The following XKR9 variants were observed in gnomAD, a reference collection of about 807,000 sequenced individuals.
XKR9 encodes the protein XK-related protein 9.
In XKR9, 32 loss-of-function variants were observed where a neutral mutation model predicts 32.0. The ratio of observed to expected loss-of-function variants is 1.00; its 90% confidence interval spans 0.76 to 1.34. The LOEUF (loss-of-function observed/expected upper bound fraction) is 1.34, where lower values mean the gene tolerates loss of function less well. Ranked by LOEUF, XKR9 falls within the 40% of genes most tolerant of loss-of-function variation. The pLI, the probability that XKR9 is intolerant of heterozygous loss-of-function variation, is 0.00. For synonymous variants in XKR9, 168 were observed against 143.4 expected (o/e 1.17, Z -1.22); for missense variants, 546 against 429.7 (o/e 1.27, Z -2.39).
chr8:70,806,107 G>A, the XKR9 span, among the ~76,000 whole-genome samples: 7 of 152,156 alleles, frequency 4.6e-5, no homozygotes, highest in East Asian at 1.9e-4. Flanking sequence ...CTCCAGGTGC[G>A]GGAGTGAACC....
the XKR9 span, among the ~76,000 whole-genome samples, chr8:71,045,907 G>A: frequency 6.6e-6 from 1 of 152,182 alleles, no homozygotes; most frequent in Non-Finnish European, 1.5e-5. Context: ...CAGAAGGAAA[G>A]AGGAAGGCTG....
chr8:70,688,349 C>T (rs1057018128), intron 3 of XKR9, among the ~76,000 whole-genome samples: 2 of 152,148 alleles, frequency 1.3e-5, no homozygotes, highest in Non-Finnish European at 2.9e-5. Context: ...AAGAGTTCTC[C>T]CCGTCACCCA....
intron 2 of XKR9, among the ~76,000 whole-genome samples, chr8:70,776,923 T>TTCTTTCTCTCTCTCTCTCTCTCTCTCTC (rs1554556844): frequency 1.7e-5 from 1 of 59,620 alleles, no homozygotes; most frequent in African/African-American, 7.3e-5. Context: ...TTCTCTTTCT[T>TTCTTTCTCTCTCTCTCTCTCTCTCTCTC]TCTCTCTCTC....
the XKR9 span, among the ~76,000 whole-genome samples, chr8:70,880,309 A>G: frequency 1.3e-5 from 2 of 152,190 alleles, no homozygotes; most frequent in African/African-American, 4.8e-5. Context: ...AAGGGTATTC[A>G]ATTGGAAATG....
intron 2 of XKR9, among the ~76,000 whole-genome samples, chr8:70,779,604 G>A (rs1184110834): frequency 2.6e-5 from 4 of 152,022 alleles, no homozygotes; most frequent in Non-Finnish European, 5.9e-5. Context: ...TTGGTTGGTA[G>A]GCTATTAATT....
At chr8:70,908,500 C>T in the XKR9 span, among the ~76,000 whole-genome samples, 1 of 152,092 alleles carries the variant, frequency 6.6e-6, no homozygotes, top group Non-Finnish European at 1.5e-5. Context: ...GCAGTTGATT[C>T]CAATGTGTAG....
chr8:70,792,150 G>T (rs1162155661), downstream of XKR9, among the ~76,000 whole-genome samples: 2 of 152,086 alleles, frequency 1.3e-5, no homozygotes, highest in Non-Finnish European at 2.9e-5. Context: ...CACTAATCAT[G>T]CAGAGTACAA....
intron 2 of XKR9, among the ~76,000 whole-genome samples, chr8:70,768,634 G>A (rs934496157): frequency 1.3e-5 from 2 of 152,072 alleles, no homozygotes; most frequent in East Asian, 1.9e-4. Context: ...ATATAATTAG[G>A]ATGGTTAGCT....
At chr8:70,758,482 T>C (rs1461964723) in intron 2 of XKR9, among the ~76,000 whole-genome samples, 1 of 152,238 alleles carries the variant, frequency 6.6e-6, no homozygotes, top group Non-Finnish European at 1.5e-5. Context: ...TCCAGCTGTC[T>C]TATTCCCCAG....
chr8:71,053,277 G>A, the XKR9 span, among the ~76,000 whole-genome samples: 9 of 152,188 alleles, frequency 5.9e-5, no homozygotes, highest in Non-Finnish European at 2.9e-5. Flanking sequence ...TGAGTCATTG[G>A]ATCCGGAGTA....
chr8:70,739,474 G>A (rs1293193628), downstream of XKR9, among the ~76,000 whole-genome samples: 1 of 152,134 alleles, frequency 6.6e-6, no homozygotes, highest in East Asian at 1.9e-4. Context: ...TACATTTAAA[G>A]TTAATATTGT....
chr8:70,924,758 A>G, the XKR9 span, among the ~76,000 whole-genome samples: 1 of 152,268 alleles, frequency 6.6e-6, no homozygotes, highest in Non-Finnish European at 1.5e-5. Context: ...CCAGGACAAA[A>G]AGAGGGACAA....
At chr8:71,059,532 C>A in the XKR9 span, among the ~76,000 whole-genome samples, 1 of 152,204 alleles carries the variant, frequency 6.6e-6, no homozygotes, top group Non-Finnish European at 1.5e-5. Flanking sequence ...CAAATGCCTG[C>A]AGAGAAGAGA....
chr8:70,884,481 T>C, the XKR9 span, among the ~76,000 whole-genome samples: 8 of 152,318 alleles, frequency 5.3e-5, no homozygotes, highest in Admixed American at 2.0e-4. Context: ...TTTTCTATGT[T>C]TTCTTCTAGC....
At chr8:71,058,178 C>CAAAAA in the XKR9 span, among the ~76,000 whole-genome samples, 6 of 149,176 alleles carry the variant, frequency 4.0e-5, no homozygotes, top group Non-Finnish European at 7.4e-5. Flanking sequence ...GACTCCGTCT[C>CAAAAA]AAAAAAAAAA....
the XKR9 span, among the ~76,000 whole-genome samples, chr8:70,812,939 C>A: frequency 6.6e-6 from 1 of 152,182 alleles, no homozygotes; most frequent in African/African-American, 2.4e-5. Context: ...TTGGAAAAAA[C>A]TACTTTAAAT....
At chr8:70,678,222 A>G (rs1818944942) in intron 2 of XKR9, 1 of 152,080 alleles carries the variant, frequency 6.6e-6, no homozygotes, top group East Asian at 1.9e-4. Context: ...CTTCCTTACT[A>G]TGCTTTATTT....
chr8:70,844,360 C>T, the XKR9 span, among the ~76,000 whole-genome samples: 1 of 152,194 alleles, frequency 6.6e-6, no homozygotes, highest in Non-Finnish European at 1.5e-5. Flanking sequence ...ACTGCCACCG[C>T]TGAAGGCCAA....
the XKR9 span, among the ~76,000 whole-genome samples, chr8:70,883,177 T>C: frequency 6.6e-6 from 1 of 151,756 alleles, no homozygotes; most frequent in Non-Finnish European, 1.5e-5. Flanking sequence ...TCACTCTATA[T>C]GTCCTTGAGT....
Sources: gnomAD v4.1 joint callset for allele counts (sites outside exome capture counted in the v4.1 genomes callset) on GRCh38, gnomAD v4.1.1 for gene constraint, MANE v1.5 for transcripts, NCBI Gene and HGNC (gene_info 2026-07-23, HGNC 2026-07-21) for gene names.